Variants in RASEF observed in about 807,000 individuals in gnomAD.
RASEF encodes RAS and EF-hand domain containing.
RASEF carries 68 observed loss-of-function variants against 90.1 expected under a neutral mutation model. That is an observed-to-expected ratio of 0.75 (90% CI 0.62 to 0.92). RASEF has a LOEUF of 0.92. Among genes scored for constraint, RASEF ranks in the 40% least tolerant of loss-of-function variants. The pLI, the probability that RASEF is intolerant of heterozygous loss-of-function variation, is 0.00. For missense variants in RASEF, 949 were observed against 937.2 expected (o/e 1.01, Z -0.16); for synonymous variants, 331 against 345.2 (o/e 0.96, Z 0.46).
the RASEF span, among the ~76,000 whole-genome samples, chr9:83,076,431 G>GA: frequency 7.1e-4 from 23 of 32,202 alleles, no homozygotes; most frequent in South Asian, 3.0e-3. Flanking sequence ...GTCTAGTTAA[G>GA]AAAAAAAAAA....
At chr9:83,144,800 A>C in the RASEF span, among the ~76,000 whole-genome samples, 1 of 152,230 alleles carries the variant, frequency 6.6e-6, no homozygotes, top group East Asian at 1.9e-4. Flanking sequence ...ACCAGGGCTC[A>C]GAGTGGCATG....
the RASEF span, among the ~76,000 whole-genome samples, chr9:83,193,194 G>C: frequency 1.3e-5 from 2 of 152,164 alleles, no homozygotes; most frequent in African/African-American, 4.8e-5. Flanking sequence ...GTAGTGCCAG[G>C]TCCCTGCCCC....
chr9:83,013,505 G>C (rs1829287363), intron 4 of RASEF, among the ~76,000 whole-genome samples: 1 of 152,210 alleles, frequency 6.6e-6, no homozygotes, highest in Non-Finnish European at 1.5e-5. Context: ...GAAAAAATGA[G>C]TTTCTCAGAA....
At chr9:83,137,940 G>A in the RASEF span, among the ~76,000 whole-genome samples, 4 of 151,880 alleles carry the variant, frequency 2.6e-5, no homozygotes, top group African/African-American at 9.7e-5. Flanking sequence ...TGACTTCCTT[G>A]GTAGAGGATA....
intron 1 of RASEF, among the ~76,000 whole-genome samples, chr9:83,056,852 G>T (rs1423776587): frequency 2.6e-5 from 4 of 152,198 alleles, no homozygotes; most frequent in Admixed American, 2.6e-4. Flanking sequence ...TTCAAATTCT[G>T]AGAGCAAAGC....
At chr9:83,161,434 T>C in the RASEF span, among the ~76,000 whole-genome samples, 28 of 152,266 alleles carry the variant, frequency 1.8e-4, 1 homozygote, top group Non-Finnish European at 4.1e-4. Context: ...TTTCCCCCTT[T>C]CTTTGGGCAT....
the RASEF span, among the ~76,000 whole-genome samples, chr9:83,093,829 G>C: frequency 6.6e-6 from 1 of 152,252 alleles, no homozygotes; most frequent in African/African-American, 2.4e-5. Context: ...CGCCGAGAGC[G>C]AGCGAGGGGT....
chr9:83,209,963 T>G, the RASEF span, among the ~76,000 whole-genome samples: 1 of 152,180 alleles, frequency 6.6e-6, no homozygotes, highest in Non-Finnish European at 1.5e-5. Flanking sequence ...AGTTATAATC[T>G]TATACACATA....
chr9:83,110,146 T>C, the RASEF span, among the ~76,000 whole-genome samples: 1 of 152,336 alleles, frequency 6.6e-6, no homozygotes, highest in Admixed American at 6.5e-5. Flanking sequence ...ATTAGCATGC[T>C]TCAGCCTATG....
the RASEF span, among the ~76,000 whole-genome samples, chr9:83,167,239 GA>G: frequency 0.017 from 2,542 of 145,902 alleles, 69 homozygotes; most frequent in African/African-American, 0.059. Context: ...GATAACCTCA[GA>G]AAAAAAAAAA....
At chr9:83,180,957 G>T in the RASEF span, among the ~76,000 whole-genome samples, 1 of 151,806 alleles carries the variant, frequency 6.6e-6, no homozygotes, top group Non-Finnish European at 1.5e-5. Context: ...GAATTTGTCT[G>T]CCTCATTTTC....
the RASEF span, among the ~76,000 whole-genome samples, chr9:83,195,619 A>G: frequency 4.9e-4 from 74 of 152,170 alleles, no homozygotes; most frequent in Non-Finnish European, 1.3e-4. Context: ...CATGGAGCTT[A>G]CATACCAGCA....
chr9:83,106,048 C>A, the RASEF span, among the ~76,000 whole-genome samples: 1 of 152,172 alleles, frequency 6.6e-6, no homozygotes, highest in Non-Finnish European at 1.5e-5. Context: ...ATATAAGTCT[C>A]TGGCCAGTTA....
At chr9:83,028,969 A>G (rs1829594643) in intron 1 of RASEF, among the ~76,000 whole-genome samples, 1 of 152,190 alleles carries the variant, frequency 6.6e-6, no homozygotes, top group African/African-American at 2.4e-5. Flanking sequence ...TCTGCAAGTC[A>G]AGGAGACAGG....
chr9:83,197,360 G>A, the RASEF span, among the ~76,000 whole-genome samples: 14 of 152,112 alleles, frequency 9.2e-5, no homozygotes, highest in Non-Finnish European at 1.8e-4. Context: ...GAACAACAAC[G>A]TAGGCTATGA....
intron 1 of RASEF, chr9:83,048,890 A>G (rs1829982875): frequency 2.4e-6 from 1 of 412,218 alleles, no homozygotes; most frequent in Non-Finnish European, 3.3e-6. Context: ...ACACTTTGGG[A>G]GGCCGAGGAA....
chr9:83,072,413 C>T, the RASEF span, among the ~76,000 whole-genome samples: 1 of 152,182 alleles, frequency 6.6e-6, no homozygotes, highest in Non-Finnish European at 1.5e-5. Context: ...AGGGACAGAA[C>T]TAATAGGACA....
rs1173286079 is a variant in RASEF, at chr9:83,025,931, A to G, written c.432-10T>C. On this transcript the variant is annotated splice_polypyrimidine_tract_variant and intron_variant, in intron 1 of 16. Transcript: ENST00000376447. The stretch of plus-strand genomic sequence containing the variant: ...ACTAACTTGCTCTTCTCTGCCAAAT[A>G]AATAAATAAAAATTAAACCAATTAT... The G allele has an allele frequency of 1.3e-6, 2 of 1,553,566 alleles. No individual in the cohort carries two copies. Among genetic ancestry groups the G allele is most frequent in the Admixed American group, 2.1e-5 (1 of 48,370 alleles).
the RASEF span, among the ~76,000 whole-genome samples, chr9:83,163,063 A>G: frequency 1.3e-5 from 2 of 152,196 alleles, no homozygotes; most frequent in African/African-American, 4.8e-5. Context: ...ACCTAAACTA[A>G]TATTGTTTTA....
Sources: allele counts gnomAD v4.1 joint callset (sites outside exome capture counted in the v4.1 genomes callset), GRCh38; gene constraint gnomAD v4.1.1; transcripts MANE v1.5; gene names NCBI Gene and HGNC (gene_info 2026-07-23, HGNC 2026-07-21).